PARP12: variants seen among roughly 807,000 people sequenced by gnomAD.
The protein encoded by PARP12 is protein mono-ADP-ribosyltransferase PARP12.
In PARP12, 59 loss-of-function variants were observed where a neutral mutation model predicts 72.4. That is an observed-to-expected ratio of 0.81 (90% CI 0.66 to 1.01). The LOEUF is 1.01. Ranked by LOEUF, PARP12 falls within the 50% of genes least tolerant of loss-of-function variation. The pLI, the probability that PARP12 is intolerant of heterozygous loss-of-function variation, is 0.00. For missense variants in PARP12, 851 were observed against 914.0 expected, an observed-to-expected ratio of 0.93 and a Z score of 0.89; for synonymous variants, 403 against 371.4, an observed-to-expected ratio of 1.09 and a Z score of -0.98.
intron 8 of PARP12, chr7:140,029,279 T>A (rs1467390803): frequency 6.6e-6 from 1 of 152,242 alleles, no homozygotes; most frequent in Non-Finnish European, 1.5e-5. Context: ...ATACAGAGTG[T>A]CACGTGATAC....
rs141041663 is a variant in PARP12, at chr7:140,038,293, G to A, written c.1183-437C>T. 8.0e-5 allele frequency: 79 copies of A among 985,268 alleles called. No individual in the cohort carries two copies. The East Asian group carries it at 2.5e-3, about 31-fold the overall frequency. The allele number at this position is 985,268 out of a possible 1,614,324, so 61.0% of individuals were successfully genotyped here. A position where few individuals can be genotyped will look rare whatever the true frequency, so the allele number is the denominator to read the frequency against. ...ATCAGAGCTCGGTCCTCTTCCTTGC[G>A]GTTTTCTTTTTCTGGTCCCTAGGAG... On this transcript the variant is annotated intron_variant, in intron 6 of 11. Transcript: ENST00000263549.
chr7:140,061,277 T>C (rs1009672162), intron 1 of PARP12, among the ~76,000 whole-genome samples: 1 of 152,110 alleles, frequency 6.6e-6, no homozygotes, highest in Admixed American at 6.5e-5. Flanking sequence ...CTCTTTTCGA[T>C]CAGCCCCCTC....
chr7:140,061,986 G>A (rs1025248953), intron 1 of PARP12, among the ~76,000 whole-genome samples: 3 of 72,316 alleles, frequency 4.1e-5, no homozygotes, highest in African/African-American at 1.6e-4. Context: ...AAATGCCCGG[G>A]GGGGGGGGGG....
At chr7:140,062,296 TCCCC>T (rs942111984) in intron 1 of PARP12, among the ~76,000 whole-genome samples, 1 of 145,608 alleles carries the variant, frequency 6.9e-6, no homozygotes, top group African/African-American at 2.5e-5. Context: ...AATCACTCTC[TCCCC>T]CCAGGCGTCT....
At chr7:140,043,225 C>A (rs1170216052) in intron 5 of PARP12, among the ~76,000 whole-genome samples, 1 of 152,074 alleles carries the variant, frequency 6.6e-6, no homozygotes, top group Non-Finnish European at 1.5e-5. Context: ...AAATTTCCAT[C>A]AAATCAAACA....
At position 140,062,279 on chromosome 7, in the gene PARP12, CTA is replaced by C. The variant is rs1174539949; in HGVS notation, c.326+241_326+242del. 2.0e-5 allele frequency among the ~76,000 whole-genome samples: 3 copies of C among 149,890 alleles called. No homozygotes were observed. The East Asian group carries it at 6.2e-4, about 31-fold the overall frequency. On this transcript the variant is annotated intron_variant, in intron 1 of 11. Transcript: ENST00000263549. ...GTGTTCCACCCGGCACTACCATGCT[CTA>C]TGTAAATCACTCTCTCCCCCCAGGC... is the stretch of plus-strand genomic sequence containing the variant.
In PARP12 at chr7:140,062,835, C is replaced by T; in HGVS notation, c.13G>A (p.Gly5Ser). The T allele has an allele frequency of 1.4e-6, 2 of 1,384,912 alleles. No homozygotes were observed. Among genetic ancestry groups the T allele is most frequent in the Non-Finnish European group, 1.9e-6 (2 of 1,067,098 alleles). 85.8% of individuals were successfully genotyped at this position (1,384,912 alleles called of 1,614,324 possible). The stretch of plus-strand genomic sequence containing the variant: ...ACCTGGGTGACCTCACCGACGACGC[C>T]GGCCTGGGCCATGGCCGCTGGGCCT... MAQA[G>S]VVGEVTQVLC... is the part of the protein sequence containing the mutation. Residue 5 changes from glycine to serine, a missense_variant, in exon 1 of 12, where the codon GGC (glycine) becomes AGC (serine). By Grantham distance (56) the Gly-to-Ser change is moderately conservative. Transcript: ENST00000263549.
Position 140,032,701 on chromosome 7 carries a change from A to T in PARP12, c.1421+1534T>A, listed in dbSNP as rs1036593692. 2.0e-5 allele frequency among the ~76,000 whole-genome samples: 3 copies of T among 152,212 alleles called. No individual in the cohort carries two copies. The South Asian group carries it at 6.2e-4, about 32-fold the overall frequency. ...CATGATCTATTTTTAAGTGAAAACA[A>T]AAAAGGGTATAGAACAGTATAGATA... On this transcript the variant is annotated intron_variant, in intron 8 of 11. Coordinates refer to ENST00000263549, the MANE Select transcript of PARP12 (RefSeq NM_022750.4).
chr7:140,028,633 G>A lies in PARP12; in HGVS notation c.1477C>T (p.Leu493=). 6.2e-7 allele frequency: 1 copy of A among 1,600,494 alleles called. No homozygotes were observed. ...CCTACCTGAAAGCCTGGGTCTGGCA[G>A]GGCAGAGGAGTCCCAATAGTCTGGG... ...SIPDYWDSSA[L]PDPGFQKITL... The change falls in exon 9 of 12, where the codon CTG becomes TTG. Residue 493 remains leucine (L), a synonymous_variant. Transcript: ENST00000263549.
chr7:140,052,871 A>C (rs2116642099), intron 4 of PARP12, among the ~76,000 whole-genome samples: 1 of 152,264 alleles, frequency 6.6e-6, no homozygotes, highest in African/African-American at 2.4e-5. Context: ...AAACATCATT[A>C]ATCATCAGGG....
rs1815650819 is a variant in PARP12 at position 140,024,599 on chromosome 7, G to C, written c.2067C>G (p.Ile689Met). The part of the protein sequence containing the change: ...TSSKPSVTPS[I>M]LLALGSLFSS... ...TGAACAGGGAGCCCAAGGCCAGCAG[G>C]ATGGAGGGTGTGACCGAGGGCTTGG... Residue 689 changes from isoleucine to methionine, a missense_variant, in exon 12 of 12, where the codon ATC becomes ATG. Physicochemically the swap from Ile to Met is conservative, Grantham distance 10. Around this residue, in one of 3 missense-constraint regions of PARP12, gnomAD observed 347 missense variants for 396.1 expected, o/e 0.88. Coordinates refer to ENST00000263549, the MANE Select transcript of PARP12 (RefSeq NM_022750.4). 4.3e-6 allele frequency: 7 copies of C among 1,614,214 alleles called. No individual in the cohort carries two copies. The highest frequency in any genetic ancestry group is 5.9e-6 in the Non-Finnish European group (7 of 1,180,042).
intron 11 of PARP12, chr7:140,025,455 T>C (rs1569526252): frequency 1.8e-5 from 7 of 381,434 alleles, no homozygotes; most frequent in Non-Finnish European, 3.7e-5. Context: ...AAAGAACTGA[T>C]GGACCCGGAA....
chr7:140,059,206 GC>G (rs1365255125), intron 1 of PARP12, among the ~76,000 whole-genome samples: 4 of 152,192 alleles, frequency 2.6e-5, no homozygotes, highest in Admixed American at 6.5e-5. Flanking sequence ...AAGGTCTAAG[GC>G]CCAGGACAGC....
In PARP12 at chr7:140,062,538, T is replaced by TG; in HGVS notation, c.309dup (p.Lys104GlnfsTer10). ...GCGCCTTACCCGGCTCTCAGGAACT[T>TG]GCAGGCGCCGTAGACCATGAACCTG... On this transcript the variant is annotated frameshift_variant, in exon 1 of 12. Coordinates refer to ENST00000263549, the MANE Select transcript of PARP12 (RefSeq NM_022750.4). LOFTEE classifies it high-confidence loss of function. 1 of 1,553,706 alleles carries TG rather than the reference T, an allele frequency of 6.4e-7. No homozygotes were observed. Among genetic ancestry groups the TG allele is most frequent in the Non-Finnish European group, 8.7e-7 (1 of 1,154,208 alleles).
intron 8 of PARP12, among the ~76,000 whole-genome samples, chr7:140,030,471 G>T: frequency 6.6e-6 from 1 of 152,080 alleles, no homozygotes; most frequent in East Asian, 1.9e-4. Flanking sequence ...GGTGGCGCAC[G>T]CCAGTAGTCC....
In PARP12 at chr7:140,033,104, G is replaced by A. The variant is rs1324942552; in HGVS notation, c.1421+1131C>T. 5.0e-6 allele frequency: 4 copies of A among 796,778 alleles called. No individual in the cohort carries two copies. In the South Asian group the frequency reaches 2.3e-4, roughly 46 times the overall value. 49.4% of individuals were successfully genotyped at this position (796,778 alleles called of 1,614,324 possible). ...AGTAGCTGGGACTACAGGCGCACAG[G>A]CTGGTCTCGAACTCCTGGGCTCAAG... On this transcript the variant is annotated intron_variant, in intron 8 of 11. Coordinates refer to ENST00000263549, the MANE Select transcript of PARP12 (RefSeq NM_022750.4).
chr7:140,047,085 G>A, intron 4 of PARP12, 78 bp from the exon 5 acceptor site: 1 of 1,475,112 alleles, frequency 6.8e-7, no homozygotes, highest in Non-Finnish European at 9.1e-7. Flanking sequence ...CAACAGGTGT[G>A]GTGCTGCCCA....
In PARP12 at chr7:140,041,764, G is replaced by T. The variant is rs1816481819; in HGVS notation, c.1062C>A (p.Thr354=). 1 of 1,613,940 alleles carries T rather than the reference G, an allele frequency of 6.2e-7. No individual in the cohort carries two copies. Among genetic ancestry groups the T allele is most frequent in the South Asian group, 1.1e-5 (1 of 91,088 alleles). Residue 354 remains threonine (T), a synonymous_variant, in exon 6 of 12, where the codon ACC becomes ACA. Transcript: ENST00000263549. ...LNFNAMTYGA[T]QARRLSTASS... is the part of the protein sequence containing the mutation. Reference sequence around the variant, plus strand: ...AGGCCGTGGAGAGGCGGCGAGCCTGGGTAGCACCGTAAGTCATGGCGTTAA... The same window carrying T: ...AGGCCGTGGAGAGGCGGCGAGCCTGTGTAGCACCGTAAGTCATGGCGTTAA...
chr7:140,043,071 G>GT (rs1411976128), intron 5 of PARP12, among the ~76,000 whole-genome samples: 1 of 152,180 alleles, frequency 6.6e-6, no homozygotes, highest in Non-Finnish European at 1.5e-5. Context: ...GCGGGCACCT[G>GT]TAGTCCCAGC....
Sources: gnomAD v4.1 joint callset for allele counts (sites outside exome capture counted in the v4.1 genomes callset) on GRCh38, gnomAD v4.1.1 for gene constraint, gnomAD v4.1.1 regional missense constraint, MANE v1.5 for transcripts, NCBI Gene and HGNC (gene_info 2026-07-23, HGNC 2026-07-21) for gene names.